Variants in TJP1 observed in about 807,000 individuals in gnomAD.
TJP1 encodes the protein tight junction protein 1.
TJP1 carries 43 observed loss-of-function variants against 194.2 expected under a neutral mutation model. The observed-to-expected ratio is 0.22, with a 90% confidence interval of 0.17 to 0.29. TJP1 has a LOEUF of 0.29. Among genes scored for constraint, TJP1 ranks in the 10% least tolerant of loss-of-function variants. The pLI is 1.00. For synonymous variants in TJP1, 801 were observed against 779.0 expected, an observed-to-expected ratio of 1.03 and a Z score of -0.47; for missense variants, 1,971 against 2,185.7, an observed-to-expected ratio of 0.90 and a Z score of 1.96.
At chr15:29,863,306 T>C (rs1022419677) in intron 2 of TJP1, among the ~76,000 whole-genome samples, 5 of 151,588 alleles carry the variant, frequency 3.3e-5, no homozygotes, top group South Asian at 2.1e-4. Context: ...AAAAAATAAA[T>C]AAATAAATAA....
chr15:29,944,241 C>T lies in TJP1; in HGVS notation c.306+11991G>A, dbSNP rs533199910. Among the ~76,000 whole-genome samples the T allele has an allele frequency of 1.1e-4, 17 of 151,636 alleles. No homozygotes were observed. The Middle Eastern group carries it at 0.01, about 93-fold the overall frequency. On this transcript the variant is annotated intron_variant, in intron 2 of 28. Coordinates refer to the TJP1 transcript ENST00000356107. ...CCGACTAGCTGGGATTACAGGCGCCCGCCACCACACCCGGCTAATTTTTTT... is the reference window on the plus strand; with the variant it reads ...CCGACTAGCTGGGATTACAGGCGCCTGCCACCACACCCGGCTAATTTTTTT...
chr15:29,719,735 G>C (rs774086939), intron 20 of TJP1, 42 bp downstream of exon 20: 3 of 1,584,008 alleles, frequency 1.9e-6, no homozygotes, highest in Non-Finnish European at 2.6e-6. Context: ...GTGCCAGATT[G>C]ATGGACAGCA....
intron 2 of TJP1, among the ~76,000 whole-genome samples, chr15:29,896,162 C>A (rs1429153759): frequency 6.6e-6 from 1 of 152,140 alleles, no homozygotes; most frequent in Non-Finnish European, 1.5e-5. Flanking sequence ...TCACCCGATT[C>A]TCATCTTGAA....
intron 2 of TJP1, among the ~76,000 whole-genome samples, chr15:29,884,367 T>TA (rs1028625309): frequency 2.0e-5 from 3 of 152,270 alleles, no homozygotes; most frequent in African/African-American, 4.8e-5. Flanking sequence ...CAGTGAATCT[T>TA]AGAGGGTAGA....
At position 29,761,161 on chromosome 15, in the gene TJP1, G is replaced by T. The variant is rs1480639722; in HGVS notation, c.988C>A (p.Pro330Thr). 6.2e-7 allele frequency: 1 copy of T among 1,604,422 alleles called. No individual in the cohort carries two copies. The highest frequency in any genetic ancestry group is 8.5e-7 in the Non-Finnish European group (1 of 1,175,428). ...SEPSDHSRHS[P>T]QQPSNGSLRS... ...TACCTGCCATTGCTTGGCTGCTGCG[G>T]CGAGTGCCTGGAATGATCAGAAGGC... The change falls in exon 8 of 28, where the codon CCG (proline) becomes ACG (threonine). Residue 330 changes from proline to threonine, a missense_variant. Coordinates refer to ENST00000614355, the MANE Select transcript of TJP1 (RefSeq NM_001330239.4).
chr15:29,768,912 T>C (rs947552170), intron 4 of TJP1, among the ~76,000 whole-genome samples: 1 of 152,198 alleles, frequency 6.6e-6, no homozygotes, highest in Non-Finnish European at 1.5e-5. Flanking sequence ...TGATGCCATG[T>C]AAGTACTAGA....
chr15:29,748,236 T>G (rs2044947068), intron 8 of TJP1, among the ~76,000 whole-genome samples: 1 of 152,234 alleles, frequency 6.6e-6, no homozygotes, highest in Non-Finnish European at 1.5e-5. Flanking sequence ...TGAGGTATTT[T>G]ACATTTTTTG....
At chr15:29,894,425 C>T (rs1346734182) in intron 2 of TJP1, among the ~76,000 whole-genome samples, 1 of 152,222 alleles carries the variant, frequency 6.6e-6, no homozygotes, top group Non-Finnish European at 1.5e-5. Flanking sequence ...CGCCACTGCA[C>T]TCCAGCCTGG....
intron 2 of TJP1, among the ~76,000 whole-genome samples, chr15:29,779,439 A>G (rs1190047727): frequency 3.9e-5 from 6 of 152,170 alleles, no homozygotes; most frequent in African/African-American, 1.4e-4. Flanking sequence ...CCATCTTTGG[A>G]GAGGTGGGTT....
chr15:29,764,368 A>C (rs1253037335), intron 5 of TJP1, among the ~76,000 whole-genome samples: 1 of 152,224 alleles, frequency 6.6e-6, no homozygotes, highest in African/African-American at 2.4e-5. Flanking sequence ...ATGAAGAAAA[A>C]AACCTGGTGG....
intron 1 of TJP1, among the ~76,000 whole-genome samples, chr15:29,816,512 A>T (rs971763061): frequency 2.6e-5 from 4 of 152,196 alleles, no homozygotes; most frequent in African/African-American, 9.7e-5. Context: ...TAAAATGCCA[A>T]ACACACACAA....
At chr15:29,702,084 CA>C (rs2041583236) in intron 27 of TJP1, among the ~76,000 whole-genome samples, 1 of 150,546 alleles carries the variant, frequency 6.6e-6, no homozygotes, top group Non-Finnish European at 1.5e-5. Context: ...ACATAATTAT[CA>C]GTAGCACTTT....
At chr15:29,881,940 T>C (rs914112827) in intron 2 of TJP1, among the ~76,000 whole-genome samples, 4 of 150,556 alleles carry the variant, frequency 2.7e-5, no homozygotes, top group Admixed American at 2.7e-4. Context: ...TAAAGATATA[T>C]ATATAGATAT....
chr15:29,817,318 A>G (rs1473633540), intron 1 of TJP1, among the ~76,000 whole-genome samples: 1 of 152,234 alleles, frequency 6.6e-6, no homozygotes, highest in African/African-American at 2.4e-5. Flanking sequence ...TGATTATTAG[A>G]AAGTCAGGAA....
chr15:29,699,479 A>G (rs1304949980), downstream of TJP1: 2 of 152,238 alleles, frequency 1.3e-5, no homozygotes, highest in Non-Finnish European at 2.9e-5. Context: ...ACAAATGATT[A>G]GAGAAGATAA....
intron 2 of TJP1, among the ~76,000 whole-genome samples, chr15:29,835,985 A>C (rs1596073161): frequency 6.6e-6 from 1 of 152,136 alleles, no homozygotes; most frequent in Admixed American, 6.5e-5. Flanking sequence ...AAATTTTTCC[A>C]GTTTTTTTCT....
At chr15:29,934,492 T>C (rs1567210164) in intron 2 of TJP1, among the ~76,000 whole-genome samples, 1 of 152,220 alleles carries the variant, frequency 6.6e-6, no homozygotes, top group African/African-American at 2.4e-5. Flanking sequence ...GTTGTCACTG[T>C]GATCTTCCCA....
At chr15:29,706,237 T>C (rs1375659924) in intron 25 of TJP1, among the ~76,000 whole-genome samples, 1 of 152,204 alleles carries the variant, frequency 6.6e-6, no homozygotes, top group Non-Finnish European at 1.5e-5. Flanking sequence ...CTGGCGAGAA[T>C]ATTATTTCTA....
intron 1 of TJP1, among the ~76,000 whole-genome samples, chr15:29,803,078 C>T (rs746748851): frequency 6.6e-6 from 1 of 152,100 alleles, no homozygotes; most frequent in Non-Finnish European, 1.5e-5. Context: ...GGAATAAAGG[C>T]TCAAAGGATA....
Sources: allele counts gnomAD v4.1 joint callset (sites outside exome capture counted in the v4.1 genomes callset), GRCh38; gene constraint gnomAD v4.1.1; transcripts MANE v1.5; gene names NCBI Gene and HGNC (gene_info 2026-07-23, HGNC 2026-07-21).